The following ABHD10 variants were observed in gnomAD, a reference collection of about 807,000 sequenced individuals.
The protein encoded by ABHD10 is abhydrolase domain containing 10, depalmitoylase.
ABHD10 carries 22 observed loss-of-function variants against 33.1 expected under a neutral mutation model. That is an observed-to-expected ratio of 0.66 (90% CI 0.47 to 0.95). The LOEUF (loss-of-function observed/expected upper bound fraction) is 0.95, where lower values mean the gene tolerates loss of function less well. Ranked by LOEUF, ABHD10 falls within the 40% of genes least tolerant of loss-of-function variation. ABHD10 has a pLI of 0.00. For missense variants in ABHD10, 352 were observed against 379.9 expected (o/e 0.93, Z 0.61); for synonymous variants, 146 against 133.9 (o/e 1.09, Z -0.62).
intron 4 of ABHD10, 141 bp downstream of exon 4, chr3:111,987,192 CT>C: frequency 1.3e-6 from 1 of 786,454 alleles, no homozygotes; most frequent in Non-Finnish European, 2.0e-6. Flanking sequence ...TCTTAGCTGC[CT>C]TTCTGTACAC....
chr3:111,982,700 G>A (rs926405473), intron 2 of ABHD10, among the ~76,000 whole-genome samples: 1 of 151,934 alleles, frequency 6.6e-6, no homozygotes, highest in Non-Finnish European at 1.5e-5. Flanking sequence ...ATCAAAAGAA[G>A]GAGGTTGGAC....
At chr3:111,981,686 CA>C in intron 1 of ABHD10, 97 bp from the exon 2 acceptor site, 1 of 1,082,756 alleles carries the variant, frequency 9.2e-7, no homozygotes, top group Non-Finnish European at 1.3e-6. Flanking sequence ...TATTTAACAT[CA>C]ATTCATTGAG....
At chr3:111,980,774 A>G (rs1261865386) in intron 1 of ABHD10, among the ~76,000 whole-genome samples, 2 of 152,202 alleles carry the variant, frequency 1.3e-5, no homozygotes, top group Non-Finnish European at 2.9e-5. Flanking sequence ...TCTATAAGAA[A>G]TCTCTTTCCA....
chr3:111,981,311 C>CAAAAAAAAAAAAAA (rs11301143), intron 1 of ABHD10, among the ~76,000 whole-genome samples: 1 of 91,220 alleles, frequency 1.1e-5, no homozygotes, highest in Non-Finnish European at 2.1e-5. Context: ...GACCCTGTCT[C>CAAAAAAAAAAAAAA]AAAAAAAAAA....
intron 4 of ABHD10, among the ~76,000 whole-genome samples, chr3:111,987,704 G>A (rs1008988397): frequency 7.2e-5 from 11 of 152,246 alleles, no homozygotes; most frequent in Admixed American, 7.2e-4. Context: ...GACTGTACAC[G>A]TTCAATACAG....
chr3:111,983,764 T>C (rs991603813), intron 2 of ABHD10, among the ~76,000 whole-genome samples: 3 of 152,172 alleles, frequency 2.0e-5, no homozygotes, highest in African/African-American at 7.2e-5. Flanking sequence ...ATAAGACTGA[T>C]TCAGATCTCA....
At position 111,991,700 on chromosome 3, in the gene ABHD10, G is replaced by A; in HGVS notation, c.900G>A (p.Lys300=). ...ACACTATTGATGACTTAATTGATAA[G>A]CTCTCAACTATAGTTAACTAGTATC... is the stretch of plus-strand genomic sequence containing the variant. The part of the protein sequence containing the change: ...LVYTIDDLID[K]LSTIVN The change falls in exon 5 of 5, where the codon AAG becomes AAA. Residue 300 remains lysine (K), a synonymous_variant. Coordinates refer to ENST00000273359, the MANE Select transcript of ABHD10 (RefSeq NM_018394.4). The A allele has an allele frequency of 1.2e-6, 2 of 1,613,050 alleles. No individual in the cohort carries two copies. Among genetic ancestry groups the A allele is most frequent in the South Asian group, 1.1e-5 (1 of 90,950 alleles).
At chr3:111,983,311 G>A (rs1042654688) in intron 2 of ABHD10, among the ~76,000 whole-genome samples, 16 of 152,106 alleles carry the variant, frequency 1.1e-4, no homozygotes, top group African/African-American at 3.4e-4. Flanking sequence ...CAAAAATATT[G>A]TTATCACTTT....
chr3:111,990,669 G>A, intron 4 of ABHD10: 3 of 1,164,596 alleles, frequency 2.6e-6, no homozygotes, highest in Non-Finnish European at 3.5e-6. Context: ...TTGTCATCCA[G>A]AACAAAAATC....
At chr3:111,990,831 C>A in intron 4 of ABHD10, 1 of 756,142 alleles carries the variant, frequency 1.3e-6, no homozygotes, top group Admixed American at 3.7e-5. Context: ...TCTTCTTTCC[C>A]TATGCCATAT....
In ABHD10 at chr3:111,993,033, T is replaced by C. The variant is rs1304798322; in HGVS notation, c.*1312T>C. The C allele has an allele frequency of 1.3e-5, 2 of 152,214 alleles. No individual in the cohort carries two copies. The highest frequency in any genetic ancestry group is 4.8e-5 in the African/African-American group (2 of 41,448). The allele number at this position is 152,214 out of a possible 1,614,324, so 9.4% of individuals were successfully genotyped here. A position where few individuals can be genotyped will look rare whatever the true frequency, so the allele number is the denominator to read the frequency against. ...TCAAAGTAGCTTACTATATCTAAAC[T>C]GTAAAACAATATAGTTTCTCCTGAA... On this transcript the variant is annotated 3_prime_UTR_variant, in exon 5 of 5. Coordinates refer to ENST00000273359, the MANE Select transcript of ABHD10 (RefSeq NM_018394.4).
chr3:111,986,576 C>G (rs981150376), intron 3 of ABHD10, among the ~76,000 whole-genome samples: 14 of 152,026 alleles, frequency 9.2e-5, no homozygotes, highest in Non-Finnish European at 1.6e-4. Flanking sequence ...GCTGGGACTA[C>G]AGGCACCCGC....
chr3:111,984,286 A>G (rs1041657725), intron 2 of ABHD10, among the ~76,000 whole-genome samples: 1 of 152,174 alleles, frequency 6.6e-6, no homozygotes, highest in Admixed American at 6.5e-5. Flanking sequence ...TCAAACCTAA[A>G]GAAAAATTTA....
At chr3:111,979,454 T>A (rs1306971373) in intron 1 of ABHD10, among the ~76,000 whole-genome samples, 1 of 152,252 alleles carries the variant, frequency 6.6e-6, no homozygotes, top group Non-Finnish European at 1.5e-5. Flanking sequence ...AAAGAGCTCC[T>A]GCTCCTTACC....
chr3:111,986,681 C>T (rs969848037), intron 3 of ABHD10, among the ~76,000 whole-genome samples: 24 of 152,082 alleles, frequency 1.6e-4, no homozygotes, highest in Non-Finnish European at 2.6e-4. Flanking sequence ...GTGATCCGCC[C>T]GCCTGGGCCT....
Position 111,981,766 on chromosome 3 carries a change from T to G in ABHD10, c.143-18T>G. 1 of 1,499,334 alleles carries G rather than the reference T, an allele frequency of 6.7e-7. No homozygotes were observed. Among genetic ancestry groups the G allele is most frequent in the Non-Finnish European group, 9.0e-7 (1 of 1,109,760 alleles). 92.9% of individuals were successfully genotyped at this position (1,499,334 alleles called of 1,614,324 possible). On this transcript the variant is annotated intron_variant, in intron 1 of 4. Transcript: ENST00000273359. ...TGAGTTTACAAACCATAGTTTACTT[T>G]TTGTGTACTTTGTTTAGCTTGTAGA...
intron 4 of ABHD10, among the ~76,000 whole-genome samples, 178 bp from the exon 5 acceptor site, chr3:111,991,199 T>G (rs1050305263): frequency 6.6e-6 from 1 of 152,196 alleles, no homozygotes; most frequent in Non-Finnish European, 1.5e-5. Context: ...ATAATATGTA[T>G]AAAATACCCA....
Position 111,991,775 on chromosome 3 carries a change from G to T in ABHD10, c.*54G>T. 1 of 1,370,432 alleles carries T rather than the reference G, an allele frequency of 7.3e-7. No homozygotes were observed. Among genetic ancestry groups the T allele is most frequent in the Admixed American group, 2.5e-5 (1 of 40,274 alleles). 84.9% of individuals were successfully genotyped at this position (1,370,432 alleles called of 1,614,324 possible). A position where few individuals can be genotyped will look rare whatever the true frequency, so the allele number is the denominator to read the frequency against. ...AATGTATCCAGAAGATTGGAAGAGG[G>T]ATAAGAAATGAAAGATCCTGATACT... On this transcript the variant is annotated 3_prime_UTR_variant, in exon 5 of 5. Coordinates refer to ENST00000273359, the MANE Select transcript of ABHD10 (RefSeq NM_018394.4).
intron 1 of ABHD10, among the ~76,000 whole-genome samples, chr3:111,980,980 C>G: frequency 6.6e-6 from 1 of 151,930 alleles, no homozygotes; most frequent in East Asian, 1.9e-4. Flanking sequence ...AAGGGCAGAC[C>G]AAACCTGTTT....
Sources: gnomAD v4.1 joint callset for allele counts (sites outside exome capture counted in the v4.1 genomes callset) on GRCh38, gnomAD v4.1.1 for gene constraint, MANE v1.5 for transcripts, NCBI Gene and HGNC (gene_info 2026-07-23, HGNC 2026-07-21) for gene names.